The following SCARB1 variants were observed in gnomAD, a reference collection of about 807,000 sequenced individuals.
SCARB1 encodes the protein scavenger receptor class B member 1.
Under a neutral mutation model 57.2 loss-of-function variants are expected in SCARB1, and 30 were observed. That is an observed-to-expected ratio of 0.52 (90% CI 0.39 to 0.71). The LOEUF is 0.71. Ranked by LOEUF, SCARB1 falls within the 30% of genes least tolerant of loss-of-function variation. SCARB1 has a pLI of 0.00. For missense variants in SCARB1, 543 were observed against 671.2 expected (o/e 0.81, Z 2.11); for synonymous variants, 249 against 268.3 (o/e 0.93, Z 0.70).
chr12:124,786,120 A>C, intron 11 of SCARB1: 2 of 1,537,512 alleles, frequency 1.3e-6, no homozygotes, highest in Non-Finnish European at 1.7e-6. Context: ...TGCCCCCTCC[A>C]AGGGAGGGTC....
intron 9 of SCARB1, among the ~76,000 whole-genome samples, chr12:124,792,856 T>G (rs1949781198): frequency 6.6e-6 from 1 of 152,052 alleles, no homozygotes; most frequent in Non-Finnish European, 1.5e-5. Flanking sequence ...GAGCCCGCAT[T>G]TCCATGGGGC....
chr12:124,829,256 T>C (rs1230075220), intron 1 of SCARB1, among the ~76,000 whole-genome samples: 1 of 152,050 alleles, frequency 6.6e-6, no homozygotes, highest in Non-Finnish European at 1.5e-5. Context: ...ATGCCTCAAA[T>C]CCATCCACTT....
chr12:124,800,918 C>T lies in SCARB1; in HGVS notation c.1010-676G>A, dbSNP rs1950107875. ...ACAGCGAGCGGGCCTCTCTCAAAAG[C>T]TCACGAGGGCCAGGCGCCATGGCTT... On this transcript the variant is annotated intron_variant, in intron 7 of 12. Transcript: ENST00000261693. This position sits in a 1 kb window ranked among gnomAD's most constrained non-coding sequence, Gnocchi z 4.8. 6.6e-6 allele frequency among the ~76,000 whole-genome samples: 1 copy of T among 152,206 alleles called. No individual in the cohort carries two copies. Among genetic ancestry groups the T allele is most frequent in the Admixed American group, 6.5e-5 (1 of 15,282 alleles).
intron 1 of SCARB1, among the ~76,000 whole-genome samples, chr12:124,862,032 C>CA (rs5801576): frequency 0.64 from 98,024 of 152,046 alleles, 31,683 homozygotes; most frequent in Middle Eastern, 0.7. Flanking sequence ...GGTGCTCACT[C>CA]ACAGCACAGG....
chr12:124,810,845 T>C lies in SCARB1; in HGVS notation c.727-556A>G, dbSNP rs542036084. On this transcript the variant is annotated intron_variant, in intron 5 of 12. Transcript: ENST00000261693. This position sits in a 1 kb window ranked among gnomAD's most constrained non-coding sequence, Gnocchi z 4.0. Reference sequence around the variant, plus strand: ...TGCACATGTACAGTATATTGGAATATACAAGCCACAATGAATGTGAACTCC... The same window carrying C: ...TGCACATGTACAGTATATTGGAATACACAAGCCACAATGAATGTGAACTCC... Among the ~76,000 whole-genome samples the C allele has an allele frequency of 2.0e-5, 3 of 152,336 alleles. No homozygotes were observed. In the South Asian group the frequency reaches 6.2e-4, roughly 32 times the overall value.
In SCARB1 at chr12:124,863,661, C is replaced by T. The variant is rs1274539649; in HGVS notation, c.60G>A (p.Leu20=). 2 of 1,581,032 alleles carry T rather than the reference C, an allele frequency of 1.3e-6. No individual in the cohort carries two copies. The highest frequency in any genetic ancestry group is 1.7e-6 in the Non-Finnish European group (2 of 1,164,812). ...AAGALGVAGL[L]CAVLGAVMIV... Reference sequence around the variant, plus strand: ...TCATGACAGCGCCCAGCACAGCGCACAGTAGCCCCGCGACGCCCAGCGCCC... The same window carrying T: ...TCATGACAGCGCCCAGCACAGCGCATAGTAGCCCCGCGACGCCCAGCGCCC... The change falls in exon 1 of 13, where the codon CTG becomes CTA. Residue 20 remains leucine, a synonymous_variant. Transcript: ENST00000261693.
At chr12:124,851,340 C>T (rs935928931) in intron 1 of SCARB1, among the ~76,000 whole-genome samples, 4 of 152,160 alleles carry the variant, frequency 2.6e-5, no homozygotes, top group African/African-American at 9.7e-5. Flanking sequence ...TCCAGATGCC[C>T]TGTCACGGGA....
rs1456327787 is a variant in SCARB1, at chr12:124,817,126, ATGTGTGTATGTGTATGTGTATG to A, written c.284+402_284+423del. ...TGTGTATGTACGTGTGTATGTATGTATGTGTGTATGTGTATGTGTATGTGTGTGTATGTATGTGTGTAACTCA... is the reference window on the plus strand; with the variant it reads ...TGTGTATGTACGTGTGTATGTATGTATGTGTGTATGTATGTGTGTAACTCA... On this transcript the variant is annotated intron_variant, in intron 2 of 12. Coordinates refer to ENST00000261693, the MANE Select transcript of SCARB1 (RefSeq NM_005505.5). The surrounding 1 kb of genome is among the most constrained non-coding windows in gnomAD (Gnocchi z 4.8). Among the ~76,000 whole-genome samples the A allele has an allele frequency of 9.2e-6, 1 of 108,408 alleles. No individual in the cohort carries two copies. The highest frequency in any genetic ancestry group is 2.3e-5 in the Non-Finnish European group (1 of 44,014). 71.1% of individuals were successfully genotyped at this position (108,408 alleles called of 152,430 possible). A position where few individuals can be genotyped will look rare whatever the true frequency, so the allele number is the denominator to read the frequency against.
At chr12:124,833,914 C>G (rs1373595269) in intron 1 of SCARB1, among the ~76,000 whole-genome samples, 1 of 152,238 alleles carries the variant, frequency 6.6e-6, no homozygotes. Flanking sequence ...CACTCTCCCG[C>G]AGCTGCTTTC....
intron 11 of SCARB1, 75 bp downstream of exon 11, chr12:124,786,282 C>T (rs1477803673): frequency 2.5e-6 from 4 of 1,603,194 alleles, no homozygotes; most frequent in Admixed American, 1.7e-5. Flanking sequence ...GCCAGAGGGT[C>T]CGATCTGAGG....
intron 11 of SCARB1, chr12:124,785,855 C>T (rs928954154): frequency 2.8e-5 from 15 of 544,326 alleles, no homozygotes; most frequent in Non-Finnish European, 4.2e-5. Context: ...ACGTGGCTCA[C>T]GCTGTATTTC....
chr12:124,841,005 C>T (rs79396521), intron 1 of SCARB1, among the ~76,000 whole-genome samples: 9,332 of 152,006 alleles, frequency 0.061, 387 homozygotes, highest in Middle Eastern at 0.092. Flanking sequence ...ACCATCTTTA[C>T]GAAAAATACA....
At chr12:124,821,123 A>G (rs566460500) in intron 1 of SCARB1, among the ~76,000 whole-genome samples, 2 of 152,190 alleles carry the variant, frequency 1.3e-5, no homozygotes, top group South Asian at 4.1e-4. Flanking sequence ...CTATAGTCCC[A>G]GCCGCTTGGG....
In SCARB1 at chr12:124,796,010, G is replaced by A. The variant is rs1233277298; in HGVS notation, c.1129-742C>T. 6.6e-6 allele frequency among the ~76,000 whole-genome samples: 1 copy of A among 152,204 alleles called. No homozygotes were observed. The highest frequency in any genetic ancestry group is 1.5e-5 in the Non-Finnish European group (1 of 68,042). On this transcript the variant is annotated intron_variant, in intron 8 of 12. Transcript: ENST00000261693. The surrounding 1 kb of genome is among the most constrained non-coding windows in gnomAD (Gnocchi z 4.0). Reference sequence around the variant, plus strand: ...TCTTTTTGAGACAGAGTCTTACTCAGTCATCTAGGCTGGAGTGCAGGCAAC... The same window carrying A: ...TCTTTTTGAGACAGAGTCTTACTCAATCATCTAGGCTGGAGTGCAGGCAAC...
chr12:124,799,560 G>A (rs1214705281), intron 8 of SCARB1, among the ~76,000 whole-genome samples: 1 of 151,952 alleles, frequency 6.6e-6, no homozygotes, highest in Non-Finnish European at 1.5e-5. Context: ...AGGCCCATGG[G>A]ATAGACCACA....
rs1950366587 is a variant in SCARB1 at position 124,807,646 on chromosome 12, G to T, written c.1009+115C>A. The T allele has an allele frequency of 3.0e-6, 3 of 988,014 alleles. No individual in the cohort carries two copies. Among genetic ancestry groups the T allele is most frequent in the Non-Finnish European group, 1.5e-6 (1 of 654,310 alleles). The allele number at this position is 988,014 out of a possible 1,614,324, so 61.2% of individuals were successfully genotyped here. On this transcript the variant is annotated intron_variant, in intron 7 of 12. Coordinates refer to ENST00000261693, the MANE Select transcript of SCARB1 (RefSeq NM_005505.5). This position sits in a 1 kb window ranked among gnomAD's most constrained non-coding sequence, Gnocchi z 5.3. ...GCGGCCTCATTATCTTCGCCTAATG[G>T]GATTATCAAGAGTACAGAGGCCAGA...
chr12:124,787,549 G>C (rs1390443492), intron 9 of SCARB1, 92 bp from the exon 10 acceptor site: 2 of 1,165,920 alleles, frequency 1.7e-6, no homozygotes, highest in Non-Finnish European at 2.5e-6. Flanking sequence ...AACAGGTTTA[G>C]TATAATTTTG....
intron 1 of SCARB1, among the ~76,000 whole-genome samples, chr12:124,826,012 A>T (rs139397084): frequency 1.3e-5 from 2 of 152,062 alleles, no homozygotes; most frequent in Non-Finnish European, 2.9e-5. Context: ...TGTACTGTAT[A>T]CTGGAAGCAG....
In SCARB1 at chr12:124,823,750, C is replaced by T. The variant is rs181404239; in HGVS notation, c.127-6043G>A. ...GTCCGTCAACAGATGAATGGCTGAA[C>T]GCAGTGTGGTCTGTCCAGACAGCGG... On this transcript the variant is annotated intron_variant, in intron 1 of 12. Coordinates refer to ENST00000261693, the MANE Select transcript of SCARB1 (RefSeq NM_005505.5). Among the ~76,000 whole-genome samples, 10 of 152,268 alleles carry T rather than the reference C, an allele frequency of 6.6e-5. 1 individual carries two copies. The East Asian group carries it at 1.4e-3, about 21-fold the overall frequency.
Sources: allele counts gnomAD v4.1 joint callset (sites outside exome capture counted in the v4.1 genomes callset), GRCh38; gene constraint gnomAD v4.1.1; non-coding constraint Gnocchi (gnomAD v3.1); transcripts MANE v1.5; gene names NCBI Gene and HGNC (gene_info 2026-07-23, HGNC 2026-07-21).